CDH18: variants seen among roughly 807,000 people sequenced by gnomAD.
CDH18 encodes the protein cadherin 18.
In CDH18, 31 loss-of-function variants were observed where a neutral mutation model predicts 67.9. The ratio of observed to expected loss-of-function variants is 0.46; its 90% CI spans 0.34 to 0.62. The LOEUF is 0.62. Among genes scored for constraint, CDH18 ranks in the 20% least tolerant of loss-of-function variants. The pLI is 0.01. For missense variants in CDH18, 890 were observed against 975.5 expected (o/e 0.91, Z 1.17); for synonymous variants, 362 against 347.2 (o/e 1.04, Z -0.48).
intron 2 of CDH18, among the ~76,000 whole-genome samples, chr5:20,194,800 G>A (rs1035221447): frequency 4.0e-5 from 6 of 151,842 alleles, no homozygotes; most frequent in East Asian, 1.9e-4. Context: ...TTCCTCCCTC[G>A]TTACCCTTAC....
intron 2 of CDH18, among the ~76,000 whole-genome samples, chr5:20,133,797 A>G (rs1749470594): frequency 6.6e-6 from 1 of 152,060 alleles, no homozygotes; most frequent in African/African-American, 2.4e-5. Context: ...TTTGATATTC[A>G]GCCTGCTTAG....
At chr5:19,628,382 T>G (rs914272810) in intron 5 of CDH18, among the ~76,000 whole-genome samples, 1 of 152,190 alleles carries the variant, frequency 6.6e-6, no homozygotes, top group African/African-American at 2.4e-5. Context: ...TTTATATATT[T>G]TAACATGATT....
At chr5:20,081,476 T>A (rs1247033848) in intron 2 of CDH18, among the ~76,000 whole-genome samples, 1 of 152,184 alleles carries the variant, frequency 6.6e-6, no homozygotes, top group Admixed American at 6.5e-5. Context: ...TAAACCATTC[T>A]ACCATAAAGA....
intron 9 of CDH18, 135 bp downstream of exon 9, chr5:19,543,734 A>G: frequency 1.9e-6 from 1 of 519,778 alleles, no homozygotes; most frequent in Admixed American, 3.1e-5. Flanking sequence ...GAGAAATTAT[A>G]TCTAATACAC....
chr5:19,685,397 T>C (rs142885601), intron 5 of CDH18, among the ~76,000 whole-genome samples: 24 of 152,336 alleles, frequency 1.6e-4, no homozygotes, highest in African/African-American at 5.8e-4. Flanking sequence ...GGTTCCAAAG[T>C]CACTCTGTAC....
intron 2 of CDH18, among the ~76,000 whole-genome samples, chr5:19,999,955 A>C (rs751190613): frequency 1.3e-4 from 20 of 152,196 alleles, no homozygotes; most frequent in Non-Finnish European, 2.2e-4. Flanking sequence ...AAGTTCTTTC[A>C]GATTCATATA....
intron 1 of CDH18, among the ~76,000 whole-genome samples, chr5:20,546,090 C>A (rs1012488088): frequency 1.3e-5 from 2 of 152,118 alleles, no homozygotes; most frequent in Admixed American, 1.3e-4. Context: ...CAAAATGCTG[C>A]CAGTCTCTTT....
chr5:19,715,679 T>A (rs1014149875), intron 5 of CDH18, among the ~76,000 whole-genome samples: 2 of 152,178 alleles, frequency 1.3e-5, no homozygotes, highest in Admixed American at 6.6e-5. Flanking sequence ...CTTATCTTTT[T>A]AAAATAAATT....
intron 2 of CDH18, among the ~76,000 whole-genome samples, chr5:20,246,888 C>T (rs929433159): frequency 1.3e-5 from 2 of 152,028 alleles, no homozygotes; most frequent in Non-Finnish European, 2.9e-5. Context: ...CATGAAAATA[C>T]CTAGAATTTG....
intron 2 of CDH18, among the ~76,000 whole-genome samples, chr5:20,041,785 G>A (rs1456473505): frequency 6.6e-6 from 1 of 152,174 alleles, no homozygotes; most frequent in African/African-American, 2.4e-5. Flanking sequence ...TGAGTCAGCA[G>A]TTGCAATGCC....
At chr5:20,158,149 CTT>C (rs1297330647) in intron 2 of CDH18, among the ~76,000 whole-genome samples, 2 of 152,054 alleles carry the variant, frequency 1.3e-5, no homozygotes, top group East Asian at 1.9e-4. Flanking sequence ...AATTTAATGT[CTT>C]AAATAATTTT....
intron 2 of CDH18, among the ~76,000 whole-genome samples, chr5:20,239,631 T>C (rs77414192): frequency 6.6e-6 from 1 of 152,166 alleles, no homozygotes; most frequent in African/African-American, 2.4e-5. Context: ...GATGACTTCA[T>C]GTCTATATTT....
intron 2 of CDH18, among the ~76,000 whole-genome samples, chr5:19,920,383 C>T (rs1015876892): frequency 2.6e-5 from 4 of 152,062 alleles, no homozygotes; most frequent in Admixed American, 1.3e-4. Context: ...AGTTTTGGCC[C>T]AAGCTATGCA....
At chr5:19,487,261 T>C (rs1194830134) in intron 11 of CDH18, among the ~76,000 whole-genome samples, 3 of 152,142 alleles carry the variant, frequency 2.0e-5, no homozygotes, top group Non-Finnish European at 2.9e-5. Context: ...TAGACAAATA[T>C]AGACATATAG....
At chr5:20,275,148 C>T (rs1010915683) in intron 1 of CDH18, among the ~76,000 whole-genome samples, 1 of 151,950 alleles carries the variant, frequency 6.6e-6, no homozygotes, top group African/African-American at 2.4e-5. Context: ...GATTATATAT[C>T]CACTTGATAT....
intron 2 of CDH18, among the ~76,000 whole-genome samples, chr5:19,947,072 G>T (rs759225040): frequency 6.6e-6 from 1 of 151,886 alleles, no homozygotes; most frequent in East Asian, 1.9e-4. Context: ...AGAATTAGAC[G>T]ATACTTCCTA....
intron 1 of CDH18, among the ~76,000 whole-genome samples, chr5:20,382,091 A>G (rs961602493): frequency 2.0e-5 from 3 of 152,210 alleles, no homozygotes. Flanking sequence ...AAATTAATAC[A>G]ATTGAGAGAA....
At chr5:20,485,339 G>C (rs142286498) in intron 1 of CDH18, among the ~76,000 whole-genome samples, 165 of 152,190 alleles carry the variant, frequency 1.1e-3, no homozygotes, top group African/African-American at 3.6e-3. Flanking sequence ...ATGTTTATTG[G>C]TCATTCAAAG....
At chr5:19,743,820 C>T (rs1310063867) in intron 4 of CDH18, among the ~76,000 whole-genome samples, 2 of 146,918 alleles carry the variant, frequency 1.4e-5, no homozygotes, top group Non-Finnish European at 3.0e-5. Flanking sequence ...ATTTGGGAGG[C>T]TGAGGCATGA....
Sources: gnomAD v4.1 joint callset for allele counts (sites outside exome capture counted in the v4.1 genomes callset) on GRCh38, gnomAD v4.1.1 for gene constraint, MANE v1.5 for transcripts, NCBI Gene and HGNC (gene_info 2026-07-23, HGNC 2026-07-21) for gene names.